The following PTPN2 variants were observed in gnomAD, a reference collection of about 807,000 sequenced individuals.
PTPN2 encodes the protein protein tyrosine phosphatase non-receptor type 2.
A neutral mutation model predicts 57.3 loss-of-function variants in PTPN2; 19 were observed. The observed-to-expected ratio is 0.33, with a 90% CI of 0.23 to 0.49. The LOEUF is 0.49. Ranked by LOEUF, PTPN2 falls within the 20% of genes least tolerant of loss-of-function variation. The probability of loss-of-function intolerance (pLI) is 0.99; values close to 1 mark genes in which losing one functional copy is unlikely to be tolerated. For synonymous variants in PTPN2, 153 were observed against 164.9 expected (o/e 0.93, Z 0.55); for missense variants, 358 against 501.1 (o/e 0.71, Z 2.73).
At chr18:12,884,024 T>G in intron 1 of PTPN2, 49 bp downstream of exon 1, 1 of 1,495,146 alleles carries the variant, frequency 6.7e-7, no homozygotes, top group Non-Finnish European at 9.0e-7. Flanking sequence ...AGGGCACGAG[T>G]CCGGGTCTCG....
intron 1 of PTPN2, among the ~76,000 whole-genome samples, chr18:12,865,651 TA>T: frequency 6.6e-6 from 1 of 151,324 alleles, no homozygotes; most frequent in East Asian, 2.0e-4. Flanking sequence ...TCTACTAAAA[TA>T]AAAAGAGTGA....
At position 12,826,194 on chromosome 18, in the gene PTPN2, G is replaced by A. The variant is rs529567246; in HGVS notation, c.361-250C>T. 1.4e-4 allele frequency among the ~76,000 whole-genome samples: 21 copies of A among 152,314 alleles called. No homozygotes were observed. In the East Asian group the frequency reaches 3.7e-3, roughly 27 times the overall value. ...GAGGCGGGAGGATCACCTGAGATCA[G>A]GAGTTCGAGACCAACCTGGCTAATA... On this transcript the variant is annotated intron_variant, in intron 4 of 8. Coordinates refer to ENST00000309660, the MANE Select transcript of PTPN2 (RefSeq NM_002828.4).
Position 12,794,077 on chromosome 18 carries a change from T to A in PTPN2, c.*201A>T, listed in dbSNP as rs2041071523. 7.0e-7 allele frequency: 1 copy of A among 1,425,212 alleles called. No individual in the cohort carries two copies. Among genetic ancestry groups the A allele is most frequent in the Non-Finnish European group, 9.1e-7 (1 of 1,096,168 alleles). The allele number at this position is 1,425,212 out of a possible 1,614,324, so 88.3% of individuals were successfully genotyped here. On this transcript the variant is annotated 3_prime_UTR_variant, in exon 9 of 9. Coordinates refer to ENST00000309660, the MANE Select transcript of PTPN2 (RefSeq NM_002828.4). ...TGAATGTCTTTATTTTAGACAGCCA[T>A]TTACAGTTTGGGGTTCAGAGGAACC...
intron 3 of PTPN2, among the ~76,000 whole-genome samples, chr18:12,833,617 A>G (rs1387864772): frequency 6.6e-6 from 1 of 152,214 alleles, no homozygotes; most frequent in Non-Finnish European, 1.5e-5. Flanking sequence ...AGTTTAGGGC[A>G]TATTTGGGAA....
chr18:12,802,000 A>G lies in PTPN2; in HGVS notation c.1010T>C (p.Met337Thr). The G allele has an allele frequency of 6.2e-7, 1 of 1,609,438 alleles. No homozygotes were observed. The highest frequency in any genetic ancestry group is 8.5e-7 in the Non-Finnish European group (1 of 1,178,418). Residue 337 changes from methionine to threonine, a missense_variant, in exon 8 of 9, where the codon ATG becomes ACG. Met to Thr is a moderately conservative substitution (Grantham distance 81). Around this residue, in one of 4 missense-constraint regions of PTPN2, gnomAD observed 96 missense variants for 110.8 expected, o/e 0.87. Transcript: ENST00000309660. Reference protein sequence around the residue: ...GDRCTGLSSKMQDTMEENSES... With the variant: ...GDRCTGLSSKTQDTMEENSES... ...ACTGTTCTCCTCCATTGTATCTTGC[A>G]TTTTAGAGGAAAGTCCTGTACATCG...
chr18:12,876,952 G>GA (rs2044511142), intron 1 of PTPN2, among the ~76,000 whole-genome samples: 1 of 152,168 alleles, frequency 6.6e-6, no homozygotes. Flanking sequence ...ATCATAAGAA[G>GA]AAAGCACTAC....
chr18:12,834,381 G>A (rs973187224), intron 3 of PTPN2, among the ~76,000 whole-genome samples: 3 of 151,218 alleles, frequency 2.0e-5, no homozygotes, highest in African/African-American at 7.3e-5. Context: ...TAGATTCCTC[G>A]TGTATAAAAT....
Position 12,819,337 on chromosome 18 carries a change from G to A in PTPN2, c.496-1972C>T, listed in dbSNP as rs7226988. On this transcript the variant is annotated intron_variant, in intron 5 of 8. Transcript: ENST00000309660. Reference sequence around the variant, plus strand: ...AAATTAAAATGATCATGGTTTCTACGCTTTAAGACATTTATTTTTAAATTA... The same window carrying A: ...AAATTAAAATGATCATGGTTTCTACACTTTAAGACATTTATTTTTAAATTA... 1.5e-3 allele frequency: 1,198 copies of A among 787,880 alleles called. 17 individuals are homozygous for A. In the African/African-American group the frequency reaches 0.019, roughly 13 times the overall value. 48.8% of individuals were successfully genotyped at this position (787,880 alleles called of 1,614,324 possible).
chr18:12,870,372 T>C (rs191102453), intron 1 of PTPN2, among the ~76,000 whole-genome samples: 744 of 65,282 alleles, frequency 0.011, 83 homozygotes, highest in Admixed American at 0.013. Context: ...TGTGTATATA[T>C]ACATATATAT....
rs72650668 is a variant in PTPN2 at position 12,836,736 on chromosome 18, A to G, written c.261+55T>C. On this transcript the variant is annotated intron_variant, in intron 3 of 8. Transcript: ENST00000309660. ...TATACTTTTACCTATGATTTAAAGC[A>G]GAACAAGCACAAACACATCATTTTC... The G allele has an allele frequency of 8.7e-4, 973 of 1,123,908 alleles. 2 individuals are homozygous for G. The highest frequency in any genetic ancestry group is 1.2e-3 in the Non-Finnish European group (891 of 760,340). 69.6% of individuals were successfully genotyped at this position (1,123,908 alleles called of 1,614,324 possible).
chr18:12,859,004 A>G (rs1241301942), intron 2 of PTPN2, among the ~76,000 whole-genome samples, 160 bp downstream of exon 2: 1 of 152,202 alleles, frequency 6.6e-6, no homozygotes, highest in African/African-American at 2.4e-5. Flanking sequence ...TTTTCCTTCC[A>G]CTATTCTACA....
rs1027932038 is a variant in PTPN2 at position 12,859,229 on chromosome 18, T to C, written c.95A>G (p.Tyr32Cys). The change falls in exon 2 of 9, where the codon TAT (tyrosine) becomes TGT (cysteine). Residue 32 changes from tyrosine to cysteine, a missense_variant. Physicochemically the swap from Tyr to Cys is radical, Grantham distance 194. Transcript: ENST00000309660. The stretch of plus-strand genomic sequence containing the variant: ...TGGAAACTTGGCCACTCTATGAGGA[T>C]AGTCATGGGACTCATTTCGAATTTC... ...YLEIRNESHD[Y>C]PHRVAKFPEN... The C allele has an allele frequency of 9.3e-6, 15 of 1,612,650 alleles. No homozygotes were observed. The African/African-American group carries it at 1.3e-4, about 14-fold the overall frequency.
chr18:12,870,413 ATGTATATATATACGTATATATATATG>A (rs1244523955), intron 1 of PTPN2, among the ~76,000 whole-genome samples: 3 of 79,198 alleles, frequency 3.8e-5, no homozygotes, highest in Non-Finnish European at 6.4e-5. Flanking sequence ...ACGTATATAT[ATGTATATATATACGTATATATATATG>A]TGTATATATA....
downstream of PTPN2, among the ~76,000 whole-genome samples, chr18:12,788,432 C>CTTTTTTTT (rs71174142): frequency 5.9e-3 from 530 of 90,042 alleles, 42 homozygotes; most frequent in East Asian, 0.031. Context: ...GGGATCAGGG[C>CTTTTTTTT]TTTTTTTTTT....
chr18:12,843,586 C>T (rs998757628), intron 2 of PTPN2, among the ~76,000 whole-genome samples: 1 of 152,106 alleles, frequency 6.6e-6, no homozygotes, highest in Admixed American at 6.5e-5. Flanking sequence ...TTAAGAGGGG[C>T]CTCTTAGGGC....
At chr18:12,819,200 T>TA (rs1308771602) in intron 5 of PTPN2, 2 of 1,286,224 alleles carry the variant, frequency 1.6e-6, no homozygotes, top group Non-Finnish European at 2.1e-6. Context: ...ATAAATTTTC[T>TA]AAAAAGTACA....
At chr18:12,874,693 A>G (rs1244808699) in intron 1 of PTPN2, among the ~76,000 whole-genome samples, 72 of 122,886 alleles carry the variant, frequency 5.9e-4, no homozygotes, top group Admixed American at 1.0e-3. Flanking sequence ...GGGGGGGTCA[A>G]CCCCTCGCCC....
At chr18:12,866,731 G>A (rs546900309) in intron 1 of PTPN2, among the ~76,000 whole-genome samples, 10 of 152,184 alleles carry the variant, frequency 6.6e-5, no homozygotes, top group Non-Finnish European at 8.8e-5. Flanking sequence ...TATCTCGGCC[G>A]GGCGTGGTGG....
chr18:12,878,274 G>A (rs1248057802), intron 1 of PTPN2, among the ~76,000 whole-genome samples: 7 of 150,600 alleles, frequency 4.6e-5, no homozygotes, highest in Non-Finnish European at 7.4e-5. Flanking sequence ...CTGAGATCAC[G>A]CCACTGCACT....
Sources: gnomAD v4.1 joint callset for allele counts (sites outside exome capture counted in the v4.1 genomes callset) on GRCh38, gnomAD v4.1.1 for gene constraint, gnomAD v4.1.1 regional missense constraint, MANE v1.5 for transcripts, NCBI Gene and HGNC (gene_info 2026-07-23, HGNC 2026-07-21) for gene names.